GRIK4: variants seen among roughly 807,000 people sequenced by gnomAD.
The protein encoded by GRIK4 is glutamate receptor ionotropic, kainate 4.
GRIK4 carries 40 observed loss-of-function variants against 104.9 expected under a neutral mutation model. The observed-to-expected ratio is 0.38, with a 90% confidence interval of 0.30 to 0.50. The LOEUF is 0.50. Ranked by LOEUF, GRIK4 falls within the 20% of genes least tolerant of loss-of-function variation. GRIK4 has a pLI of 0.93. For synonymous variants in GRIK4, 485 were observed against 524.9 expected (o/e 0.92, Z 1.04); for missense variants, 1,047 against 1,308.1 (o/e 0.80, Z 3.08).
At chr11:120,875,091 T>G (rs1258140046) in intron 10 of GRIK4, 48 bp from the exon 11 acceptor site, 13 of 1,210,428 alleles carry the variant, frequency 1.1e-5, no homozygotes, top group Non-Finnish European at 1.6e-5. Context: ...TGGGGGCAAG[T>G]GTAACCTGGG....
At chr11:120,610,853 G>A (rs1165829380) in intron 1 of GRIK4, among the ~76,000 whole-genome samples, 2 of 152,172 alleles carry the variant, frequency 1.3e-5, no homozygotes, top group African/African-American at 2.4e-5. Flanking sequence ...TGCCTAGTGA[G>A]TCACAAGCCT....
chr11:120,928,934 C>T (rs1020364591), intron 13 of GRIK4, among the ~76,000 whole-genome samples: 1 of 151,950 alleles, frequency 6.6e-6, no homozygotes, highest in Non-Finnish European at 1.5e-5. Flanking sequence ...TTTCTACAAA[C>T]ATGGGCTCGC....
Position 120,982,348 on chromosome 11 carries a change from C to G in GRIK4, c.2514+124C>G, listed in dbSNP as rs747686689. On this transcript the variant is annotated intron_variant, in intron 20 of 20. Coordinates refer to ENST00000527524, the MANE Select transcript of GRIK4 (RefSeq NM_014619.5). ...AGTGCAGCAAAGAGAATCCCAGTGC[C>G]CAGCAGAGGGGATTTGGATCAATGC... 1.5e-4 allele frequency: 102 copies of G among 677,284 alleles called. No homozygotes were observed. The Admixed American group carries it at 1.6e-3, about 11-fold the overall frequency. The allele number at this position is 677,284 out of a possible 1,614,324, so 42.0% of individuals were successfully genotyped here.
chr11:120,603,052 G>T (rs765363181), intron 1 of GRIK4, among the ~76,000 whole-genome samples: 6 of 152,214 alleles, frequency 3.9e-5, no homozygotes, highest in Non-Finnish European at 7.3e-5. Flanking sequence ...AGGCCTGAAG[G>T]TAGGAGAGAA....
At chr11:120,588,114 A>C (rs1948691381) in intron 1 of GRIK4, among the ~76,000 whole-genome samples, 1 of 152,062 alleles carries the variant, frequency 6.6e-6, no homozygotes, top group South Asian at 2.1e-4. Context: ...GGGCGGCCAG[A>C]GGGGCACGAG....
intron 3 of GRIK4, among the ~76,000 whole-genome samples, chr11:120,744,163 C>T (rs564359244): frequency 3.9e-5 from 6 of 152,288 alleles, no homozygotes; most frequent in African/African-American, 1.4e-4. Context: ...TAACAACCTA[C>T]AAGCTGCCCA....
At chr11:120,522,789 G>A (rs1425788601) in intron 1 of GRIK4, among the ~76,000 whole-genome samples, 6 of 152,208 alleles carry the variant, frequency 3.9e-5, no homozygotes, top group Non-Finnish European at 7.3e-5. Flanking sequence ...CAGCCTGTGG[G>A]CCTAGAGAAA....
At position 120,967,376 on chromosome 11, in the gene GRIK4, G is replaced by A. The variant is rs993977533; in HGVS notation, c.2395+53G>A. 1.0e-5 allele frequency: 16 copies of A among 1,547,168 alleles called. No individual in the cohort carries two copies. The Admixed American group carries it at 2.1e-4, about 20-fold the overall frequency. ...CTGCCCTAGAGGACCAAAGTAGCTT[G>A]TTTCTCGTGTTCAAATTCCAGGTAC... On this transcript the variant is annotated intron_variant, in intron 19 of 20. Transcript: ENST00000527524. The surrounding 1 kb of genome is among the most constrained non-coding windows in gnomAD (Gnocchi z 4.2).
At chr11:120,840,997 T>G (rs1318328493) in intron 8 of GRIK4, among the ~76,000 whole-genome samples, 2 of 152,256 alleles carry the variant, frequency 1.3e-5, no homozygotes, top group African/African-American at 4.8e-5. Flanking sequence ...ATATTTATCT[T>G]TTGTGTCTAG....
In GRIK4 at chr11:120,555,573, G is replaced by A. The variant is rs964751830; in HGVS notation, c.-159+43686G>A. 3.3e-5 allele frequency among the ~76,000 whole-genome samples: 5 copies of A among 152,130 alleles called. No individual in the cohort carries two copies. Among genetic ancestry groups the A allele is most frequent in the South Asian group, 2.1e-4 (1 of 4,816 alleles). Reference sequence around the variant, plus strand: ...GCGGTCGTCTTCTCCCTCACGGTCCGCCTGCCTTTCCCGACCTACCCACTT... The same window carrying A: ...GCGGTCGTCTTCTCCCTCACGGTCCACCTGCCTTTCCCGACCTACCCACTT... On this transcript the variant is annotated intron_variant, in intron 1 of 20. Transcript: ENST00000527524. This position sits in a 1 kb window ranked among gnomAD's most constrained non-coding sequence, Gnocchi z 5.3.
chr11:120,616,775 A>G (rs909610273), intron 1 of GRIK4, among the ~76,000 whole-genome samples: 8 of 152,146 alleles, frequency 5.3e-5, no homozygotes, highest in Non-Finnish European at 5.9e-5. Context: ...TTACAAGATA[A>G]CCCTTTTGTC....
At chr11:120,572,093 C>T (rs1307169134) in intron 1 of GRIK4, among the ~76,000 whole-genome samples, 2 of 152,322 alleles carry the variant, frequency 1.3e-5, no homozygotes, top group Admixed American at 1.3e-4. Flanking sequence ...AGAAGGCCCC[C>T]TTCCTGGATT....
At chr11:120,888,060 G>C (rs1253559393) in intron 11 of GRIK4, among the ~76,000 whole-genome samples, 1 of 152,108 alleles carries the variant, frequency 6.6e-6, no homozygotes, top group Non-Finnish European at 1.5e-5. Flanking sequence ...CCTTCCTCAA[G>C]CTTTATTTAC....
intron 6 of GRIK4, among the ~76,000 whole-genome samples, chr11:120,827,240 G>A (rs1260097262): frequency 1.3e-5 from 2 of 152,198 alleles, no homozygotes; most frequent in African/African-American, 4.8e-5. Flanking sequence ...TCCTGCGGCT[G>A]TGTCCACCCC....
chr11:120,565,452 A>C (rs1368004400), intron 1 of GRIK4, among the ~76,000 whole-genome samples: 4 of 152,194 alleles, frequency 2.6e-5, no homozygotes, highest in African/African-American at 4.8e-5. Context: ...AGTGTGGCAA[A>C]TTTTATTAAA....
chr11:120,822,378 G>T (rs747688981), intron 6 of GRIK4, among the ~76,000 whole-genome samples: 4 of 152,140 alleles, frequency 2.6e-5, no homozygotes, highest in Non-Finnish European at 5.9e-5. Flanking sequence ...AGCTTGGTTT[G>T]GCTAGAGTCT....
At chr11:120,865,592 A>G (rs1196880685) in intron 9 of GRIK4, among the ~76,000 whole-genome samples, 1 of 152,194 alleles carries the variant, frequency 6.6e-6, no homozygotes, top group Non-Finnish European at 1.5e-5. Flanking sequence ...TGGAAACGCA[A>G]AGACCTCTTA....
intron 3 of GRIK4, among the ~76,000 whole-genome samples, chr11:120,748,278 TC>T (rs1227841996): frequency 6.6e-6 from 1 of 152,094 alleles, no homozygotes; most frequent in Non-Finnish European, 1.5e-5. Context: ...ACCTCCCATC[TC>T]CTTCCACCCC....
chr11:120,936,352 T>C (rs1943598735), intron 13 of GRIK4: 3 of 480,156 alleles, frequency 6.2e-6, no homozygotes, highest in Non-Finnish European at 1.2e-5. Flanking sequence ...AAGAACAAGA[T>C]GAAGGTCAAA....
Sources: gnomAD v4.1 joint callset for allele counts (sites outside exome capture counted in the v4.1 genomes callset) on GRCh38, gnomAD v4.1.1 for gene constraint, Gnocchi (gnomAD v3.1) non-coding constraint, MANE v1.5 for transcripts, NCBI Gene and HGNC (gene_info 2026-07-23, HGNC 2026-07-21) for gene names.